Variants in LUZP2 observed in about 807,000 individuals in gnomAD.
LUZP2 encodes leucine zipper protein 2.
LUZP2 carries 52 observed loss-of-function variants against 51.6 expected under a neutral mutation model. The observed-to-expected ratio is 1.01, with a 90% CI of 0.81 to 1.27. The LOEUF (loss-of-function observed/expected upper bound fraction) is 1.27, where lower values mean the gene tolerates loss of function less well. Among genes scored for constraint, LUZP2 ranks in the 50% most tolerant of loss-of-function variants. The pLI is 0.00. For missense variants in LUZP2, 436 were observed against 395.4 expected (o/e 1.10, Z -0.87); for synonymous variants, 154 against 137.3 (o/e 1.12, Z -0.85).
At chr11:24,537,813 CT>C (rs2133838776) in intron 1 of LUZP2, among the ~76,000 whole-genome samples, 1 of 151,860 alleles carries the variant, frequency 6.6e-6, no homozygotes, top group Non-Finnish European at 1.5e-5. Flanking sequence ...ATGACAAAAA[CT>C]ACCAAAAAAT....
At chr11:24,807,515 T>C (rs534987378) in intron 5 of LUZP2, among the ~76,000 whole-genome samples, 31 of 149,090 alleles carry the variant, frequency 2.1e-4, no homozygotes, top group Non-Finnish European at 3.6e-4. Flanking sequence ...AAGTTATACA[T>C]AGCACAGGAG....
rs905809773 is a variant in LUZP2, at chr11:24,627,012, T to A, written c.63-102157T>A. 2.6e-5 allele frequency among the ~76,000 whole-genome samples: 4 copies of A among 152,176 alleles called. No homozygotes were observed. The East Asian group carries it at 7.7e-4, about 29-fold the overall frequency. ...CAAGTCTGTATGCTTTGGGATGCTT[T>A]TGGTCCTTATGTTATTAAACTAAAA... On this transcript the variant is annotated intron_variant, in intron 1 of 11. Coordinates refer to ENST00000336930, the MANE Select transcript of LUZP2 (RefSeq NM_001009909.4).
chr11:24,739,507 A>G (rs985200343), intron 4 of LUZP2, among the ~76,000 whole-genome samples: 1 of 152,060 alleles, frequency 6.6e-6, no homozygotes, highest in African/African-American at 2.4e-5. Flanking sequence ...GCTCAAGCAT[A>G]TGATTGGGTT....
intron 7 of LUZP2, among the ~76,000 whole-genome samples, chr11:24,936,750 T>C (rs780882786): frequency 6.6e-6 from 1 of 152,164 alleles, no homozygotes; most frequent in African/African-American, 2.4e-5. Flanking sequence ...GAGTGGGCAA[T>C]GAAATCATTT....
intron 1 of LUZP2, among the ~76,000 whole-genome samples, chr11:24,499,768 AAT>A (rs34021874): frequency 0.22 from 33,294 of 151,144 alleles, 4,166 homozygotes; most frequent in African/African-American, 0.35. Flanking sequence ...TCTTAATGCA[AAT>A]ATATATATAT....
At chr11:24,576,430 A>C (rs954709105) in intron 1 of LUZP2, among the ~76,000 whole-genome samples, 1 of 151,272 alleles carries the variant, frequency 6.6e-6, no homozygotes, top group African/African-American at 2.4e-5. Context: ...AAAAAAAAAA[A>C]AAAAGGAAAA....
At chr11:24,763,208 T>C (rs1337940199) in intron 4 of LUZP2, 38 bp from the exon 5 acceptor site, 2 of 932,962 alleles carry the variant, frequency 2.1e-6, no homozygotes, top group Non-Finnish European at 3.1e-6. Context: ...TGGTAATGAG[T>C]TTGGAATGTG....
intron 1 of LUZP2, among the ~76,000 whole-genome samples, chr11:24,674,886 G>T (rs1247111840): frequency 6.6e-6 from 1 of 152,152 alleles, no homozygotes; most frequent in Admixed American, 6.5e-5. Context: ...AGAAATTTTA[G>T]ATAGTCTTCC....
At chr11:24,742,358 C>T (rs1465215335) in intron 4 of LUZP2, among the ~76,000 whole-genome samples, 2 of 151,924 alleles carry the variant, frequency 1.3e-5, no homozygotes, top group Middle Eastern at 3.2e-3. Flanking sequence ...TTTATGCCAA[C>T]ATCTACAGTT....
chr11:25,060,084 A>G (rs1038242614), intron 10 of LUZP2, among the ~76,000 whole-genome samples: 10 of 152,332 alleles, frequency 6.6e-5, no homozygotes, highest in African/African-American at 2.4e-4. Context: ...ACAGATAAAG[A>G]ATCAGAGCCT....
At chr11:24,554,699 T>C in intron 1 of LUZP2, among the ~76,000 whole-genome samples, 1 of 47,240 alleles carries the variant, frequency 2.1e-5, no homozygotes, top group South Asian at 1.0e-3. Flanking sequence ...CTTGGTTATT[T>C]AATTTTTTTT....
At chr11:24,774,014 C>T (rs1053513357) in intron 5 of LUZP2, among the ~76,000 whole-genome samples, 5 of 151,904 alleles carry the variant, frequency 3.3e-5, no homozygotes, top group Non-Finnish European at 7.4e-5. Flanking sequence ...CTGGGTGTGT[C>T]TGCGAGGTTG....
At chr11:24,771,124 G>T (rs1461050555) in intron 5 of LUZP2, among the ~76,000 whole-genome samples, 2 of 152,024 alleles carry the variant, frequency 1.3e-5, no homozygotes, top group African/African-American at 4.8e-5. Context: ...ATTTTTATTT[G>T]TCTGCTTTAA....
intron 9 of LUZP2, among the ~76,000 whole-genome samples, chr11:24,994,018 G>A (rs1228643778): frequency 7.9e-5 from 12 of 151,958 alleles, no homozygotes; most frequent in South Asian, 6.2e-4. Context: ...GTGCCAACAC[G>A]CCCGACTAAT....
At chr11:24,676,220 T>G (rs1454407088) in intron 1 of LUZP2, among the ~76,000 whole-genome samples, 4 of 152,180 alleles carry the variant, frequency 2.6e-5, no homozygotes, top group African/African-American at 9.7e-5. Context: ...TAGAAATCCA[T>G]GAAATAATAT....
intron 7 of LUZP2, among the ~76,000 whole-genome samples, chr11:24,926,817 C>G (rs759116038): frequency 8.6e-5 from 13 of 151,656 alleles, no homozygotes; most frequent in African/African-American, 2.9e-4. Flanking sequence ...AATCCCCACA[C>G]TGTTTCTCAT....
intron 5 of LUZP2, chr11:24,892,253 T>C: frequency 1.0e-6 from 1 of 985,474 alleles, no homozygotes; most frequent in Non-Finnish European, 1.2e-6. Flanking sequence ...TATCCTGATG[T>C]GGCTGTGAAC....
chr11:24,652,446 G>T (rs541115823), intron 1 of LUZP2, among the ~76,000 whole-genome samples: 1 of 152,128 alleles, frequency 6.6e-6, no homozygotes, highest in African/African-American at 2.4e-5. Context: ...AGAATGCTTA[G>T]GTTCACATAT....
At chr11:25,055,469 T>C (rs2134030541) in intron 10 of LUZP2, among the ~76,000 whole-genome samples, 1 of 152,312 alleles carries the variant, frequency 6.6e-6, no homozygotes, top group Non-Finnish European at 1.5e-5. Flanking sequence ...AATTGCTATA[T>C]ATATAAATGC....
Sources: gnomAD v4.1 joint callset for allele counts (sites outside exome capture counted in the v4.1 genomes callset) on GRCh38, gnomAD v4.1.1 for gene constraint, MANE v1.5 for transcripts, NCBI Gene and HGNC (gene_info 2026-07-23, HGNC 2026-07-21) for gene names.